The following FIGN variants were observed in gnomAD, a reference collection of about 807,000 sequenced individuals.
The protein encoded by FIGN is fidgetin.
In FIGN, 11 loss-of-function variants were observed where a neutral mutation model predicts 51.3. The observed-to-expected ratio is 0.21, with a 90% CI of 0.13 to 0.35. The LOEUF (loss-of-function observed/expected upper bound fraction) is 0.35, where lower values mean the gene tolerates loss of function less well. Among genes scored for constraint, FIGN ranks in the 10% least tolerant of loss-of-function variants. The pLI, the probability that FIGN is intolerant of heterozygous loss-of-function variation, is 1.00. For synonymous variants in FIGN, 407 were observed against 363.2 expected (o/e 1.12, Z -1.37); for missense variants, 857 against 943.6 (o/e 0.91, Z 1.20).
At chr2:163,642,173 A>G (rs1339554212) in intron 2 of FIGN, among the ~76,000 whole-genome samples, 1 of 152,174 alleles carries the variant, frequency 6.6e-6, no homozygotes, top group Non-Finnish European at 1.5e-5. Context: ...ATACCCATTG[A>G]GAGTTTATTT....
intron 2 of FIGN, among the ~76,000 whole-genome samples, chr2:163,618,345 G>A (rs1157364928): frequency 6.6e-6 from 1 of 151,246 alleles, no homozygotes. Context: ...CACACCTCAA[G>A]ACTCCAAATT....
At chr2:163,731,518 T>A (rs543562687) in intron 2 of FIGN, among the ~76,000 whole-genome samples, 3 of 151,606 alleles carry the variant, frequency 2.0e-5, no homozygotes, top group Non-Finnish European at 4.4e-5. Flanking sequence ...CTGCCTAACA[T>A]GAATAAAAAC....
chr2:163,732,656 C>T (rs1684949000), intron 2 of FIGN, among the ~76,000 whole-genome samples: 1 of 152,208 alleles, frequency 6.6e-6, no homozygotes, highest in African/African-American at 2.4e-5. Flanking sequence ...AAACTTCACA[C>T]ATAGTGAAAT....
At chr2:163,724,834 A>T (rs1450462596) in intron 2 of FIGN, among the ~76,000 whole-genome samples, 1 of 152,166 alleles carries the variant, frequency 6.6e-6, no homozygotes, top group South Asian at 2.1e-4. Flanking sequence ...CACACTTTTT[A>T]AAATTATGGG....
At chr2:163,635,071 A>T (rs1201320079) in intron 2 of FIGN, among the ~76,000 whole-genome samples, 1 of 152,220 alleles carries the variant, frequency 6.6e-6, no homozygotes, top group African/African-American at 2.4e-5. Flanking sequence ...TAAATTCAGA[A>T]TGATTGATAT....
intron 2 of FIGN, among the ~76,000 whole-genome samples, chr2:163,667,598 A>G (rs1312280268): frequency 1.3e-5 from 2 of 152,174 alleles, no homozygotes; most frequent in Non-Finnish European, 2.9e-5. Flanking sequence ...ATATGCTAGT[A>G]TCTCAGTCTG....
chr2:163,658,196 G>C lies in FIGN; in HGVS notation c.26-46390C>G, dbSNP rs558133680. On this transcript the variant is annotated intron_variant, in intron 2 of 2. Transcript: ENST00000333129. ...AGGCAAGTTATTCTTCAAAAAGTAG[G>C]GAAACTCTTTACACATCTCACAGGC... Among the ~76,000 whole-genome samples the C allele has an allele frequency of 7.2e-5, 11 of 152,192 alleles. No homozygotes were observed. In the South Asian group the frequency reaches 2.1e-3, roughly 29 times the overall value.
rs1691146099 is a variant in FIGN, at chr2:163,607,937, A to T, written c.*1615T>A. The T allele has an allele frequency of 3.9e-5, 6 of 152,676 alleles. No individual in the cohort carries two copies. The allele number at this position is 152,676 out of a possible 1,614,324, so 9.5% of individuals were successfully genotyped here. A position where few individuals can be genotyped will look rare whatever the true frequency, so the allele number is the denominator to read the frequency against. Reference sequence around the variant, plus strand: ...GACAGAGAGCAGGAGAAAAATAGGAAATTAAGAAAAATGCCACTTATGCCA... The same window carrying T: ...GACAGAGAGCAGGAGAAAAATAGGATATTAAGAAAAATGCCACTTATGCCA... On this transcript the variant is annotated 3_prime_UTR_variant, in exon 3 of 3. Transcript: ENST00000333129.
chr2:163,704,823 A>T (rs1684473399), intron 2 of FIGN, among the ~76,000 whole-genome samples: 2 of 151,992 alleles, frequency 1.3e-5, no homozygotes, highest in Non-Finnish European at 2.9e-5. Flanking sequence ...ACCCCAACTA[A>T]GTGTTCAAAT....
At chr2:163,648,736 A>G (rs1312231088) in intron 2 of FIGN, among the ~76,000 whole-genome samples, 1 of 152,216 alleles carries the variant, frequency 6.6e-6, no homozygotes, top group East Asian at 1.9e-4. Context: ...CTCAATTTAG[A>G]AAACCAATGA....
At chr2:163,690,153 G>T (rs539512431) in intron 2 of FIGN, among the ~76,000 whole-genome samples, 7 of 152,236 alleles carry the variant, frequency 4.6e-5, no homozygotes, top group Admixed American at 3.3e-4. Flanking sequence ...GCCTACTACA[G>T]TGTTCCCCAA....
At chr2:163,722,288 C>T (rs1480323806) in intron 2 of FIGN, among the ~76,000 whole-genome samples, 1 of 152,184 alleles carries the variant, frequency 6.6e-6, no homozygotes, top group African/African-American at 2.4e-5. Flanking sequence ...CATTTTACCA[C>T]CCCAGTATCA....
At position 163,716,539 on chromosome 2, in the gene FIGN, G is replaced by A. The variant is rs373457472; in HGVS notation, c.25+18364C>T. Among the ~76,000 whole-genome samples, 300 of 152,276 alleles carry A rather than the reference G, an allele frequency of 2.0e-3. 1 individual carries two copies. The highest frequency in any genetic ancestry group is 6.7e-3 in the African/African-American group (278 of 41,548). ...AAAAGAAAAACAGCAACCAAATTAT[G>A]TCTACCTTAAATTTATAGAGCCAGC... On this transcript the variant is annotated intron_variant, in intron 2 of 2. Transcript: ENST00000333129.
In FIGN at chr2:163,644,177, A is replaced by G. The variant is rs540744670; in HGVS notation, c.26-32371T>C. ...TCACAAGAGAAAATATTTACAAATCATATATCTGATTAAGGACTTGTATTT... is the reference window on the plus strand; with the variant it reads ...TCACAAGAGAAAATATTTACAAATCGTATATCTGATTAAGGACTTGTATTT... On this transcript the variant is annotated intron_variant, in intron 2 of 2. Coordinates refer to ENST00000333129, the MANE Select transcript of FIGN (RefSeq NM_018086.4). 2.0e-5 allele frequency among the ~76,000 whole-genome samples: 3 copies of G among 152,304 alleles called. No individual in the cohort carries two copies. In the East Asian group the frequency reaches 5.8e-4, roughly 29 times the overall value.
At chr2:163,710,399 G>A (rs1684568974) in intron 2 of FIGN, among the ~76,000 whole-genome samples, 1 of 152,128 alleles carries the variant, frequency 6.6e-6, no homozygotes, top group South Asian at 2.1e-4. Context: ...TTTTTATTTT[G>A]GTTAGGCTAA....
intron 2 of FIGN, among the ~76,000 whole-genome samples, chr2:163,729,456 TA>T (rs1684891995): frequency 6.6e-6 from 1 of 152,066 alleles, no homozygotes; most frequent in Admixed American, 6.6e-5. Flanking sequence ...TTCTATAGTA[TA>T]AAAAACTTTA....
chr2:163,724,857 C>T (rs563704370), intron 2 of FIGN, among the ~76,000 whole-genome samples: 171 of 152,026 alleles, frequency 1.1e-3, no homozygotes, highest in Non-Finnish European at 9.9e-4. Context: ...CGAAAAGATA[C>T]GGAGAATATA....
intron 2 of FIGN, among the ~76,000 whole-genome samples, chr2:163,636,105 T>C (rs1218194780): frequency 2.0e-5 from 3 of 152,186 alleles, no homozygotes; most frequent in Non-Finnish European, 4.4e-5. Flanking sequence ...AGATTATTCA[T>C]TGTGGTTGAT....
intron 2 of FIGN, among the ~76,000 whole-genome samples, chr2:163,689,927 C>T (rs1157868513): frequency 6.6e-6 from 1 of 152,126 alleles, no homozygotes; most frequent in Non-Finnish European, 1.5e-5. Flanking sequence ...AACTAGAATA[C>T]TTGTACTTGG....
Sources: allele counts gnomAD v4.1 joint callset (sites outside exome capture counted in the v4.1 genomes callset), GRCh38; gene constraint gnomAD v4.1.1; transcripts MANE v1.5; gene names NCBI Gene and HGNC (gene_info 2026-07-23, HGNC 2026-07-21).